Variants in CLASP1 observed in about 807,000 individuals in gnomAD.
CLASP1 encodes the protein cytoplasmic linker associated protein 1.
In CLASP1, 38 loss-of-function variants were observed where a neutral mutation model predicts 192.3. The ratio of observed to expected loss-of-function variants is 0.20; its 90% CI spans 0.15 to 0.26. The LOEUF (loss-of-function observed/expected upper bound fraction) is 0.26. Ranked by LOEUF, CLASP1 falls within the 10% of genes least tolerant of loss-of-function variation. CLASP1 has a pLI of 1.00. For synonymous variants in CLASP1, 691 were observed against 712.8 expected, an observed-to-expected ratio of 0.97 and a Z score of 0.49; for missense variants, 1,433 against 1,932.5, an observed-to-expected ratio of 0.74 and a Z score of 4.85.
chr2:121,451,683 C>G (rs531183731), intron 15 of CLASP1, 107 bp downstream of exon 15: 7 of 787,700 alleles, frequency 8.9e-6, no homozygotes, highest in African/African-American at 1.8e-5. Context: ...TGAAAACAAA[C>G]GCATATATTC....
intron 2 of CLASP1, among the ~76,000 whole-genome samples, chr2:121,588,440 C>T (rs2061988182): frequency 6.6e-6 from 1 of 151,912 alleles, no homozygotes; most frequent in Admixed American, 6.6e-5. Flanking sequence ...AGGATAAATC[C>T]TCGATTTAAA....
At chr2:121,476,600 A>G (rs943891826) in intron 8 of CLASP1, among the ~76,000 whole-genome samples, 12 of 152,234 alleles carry the variant, frequency 7.9e-5, no homozygotes, top group Non-Finnish European at 1.3e-4. Context: ...GCCAGAACCT[A>G]AACTACAAAG....
At chr2:121,367,297 G>A (rs2067600688) in intron 35 of CLASP1, among the ~76,000 whole-genome samples, 1 of 152,224 alleles carries the variant, frequency 6.6e-6, no homozygotes, top group African/African-American at 2.4e-5. Flanking sequence ...CTTCCTGATG[G>A]TAGAGTTGGC....
intron 1 of CLASP1, among the ~76,000 whole-genome samples, chr2:121,612,481 G>C (rs982144729): frequency 2.0e-5 from 3 of 150,884 alleles, no homozygotes; most frequent in Non-Finnish European, 4.4e-5. Context: ...GGAGGAATTA[G>C]AAAAGCTGGA....
rs1558878005 is a variant in CLASP1 at position 121,363,169 on chromosome 2, C to T, written c.4206+3G>A. On this transcript the variant is annotated splice_donor_region_variant and intron_variant, in intron 37 of 39. Coordinates refer to ENST00000263710, the Ensembl canonical transcript of CLASP1. ...AGCACCCCTGGCCACATGACTGACT[C>T]ACCTCCTTATGGGAGTCTTTGTGGG... The T allele has an allele frequency of 6.2e-7, 1 of 1,613,986 alleles. No homozygotes were observed. Among genetic ancestry groups the T allele is most frequent in the Non-Finnish European group, 8.5e-7 (1 of 1,179,884 alleles).
chr2:121,616,910 G>T (rs994139270), intron 1 of CLASP1, among the ~76,000 whole-genome samples: 1 of 152,206 alleles, frequency 6.6e-6, no homozygotes, highest in Non-Finnish European at 1.5e-5. Flanking sequence ...CTTCAAGAAG[G>T]TCACTGCCTG....
At chr2:121,615,920 G>C (rs746037605) in intron 1 of CLASP1, among the ~76,000 whole-genome samples, 2 of 152,268 alleles carry the variant, frequency 1.3e-5, no homozygotes, top group Non-Finnish European at 2.9e-5. Context: ...CAAAGTTTGT[G>C]TTCTTTTCAC....
exon 5 of CLASP1, chr2:121,527,808 G>A (rs2094611671): frequency 6.2e-7 from 1 of 1,612,914 alleles, no homozygotes; most frequent in Non-Finnish European, 8.5e-7. Flanking sequence ...CGCATTGAGT[G>A]TTGCTATAAG....
chr2:121,532,429 G>C (rs1433465582), intron 2 of CLASP1: 2 of 152,132 alleles, frequency 1.3e-5, no homozygotes, highest in Non-Finnish European at 2.9e-5. Context: ...ACTGACAGAC[G>C]CAACCTCAGC....
At chr2:121,413,586 T>C (rs983203451) in intron 23 of CLASP1, among the ~76,000 whole-genome samples, 4 of 152,248 alleles carry the variant, frequency 2.6e-5, no homozygotes, top group African/African-American at 9.6e-5. Flanking sequence ...AGGATACCTC[T>C]GGCCTGACTT....
chr2:121,409,934 C>A (rs2077460680), intron 24 of CLASP1, among the ~76,000 whole-genome samples: 1 of 152,110 alleles, frequency 6.6e-6, no homozygotes, highest in Admixed American at 6.5e-5. Context: ...AGACACTTGT[C>A]AAAGAACCTG....
chr2:121,529,086 A>C (rs931559043), intron 3 of CLASP1, among the ~76,000 whole-genome samples: 5 of 152,218 alleles, frequency 3.3e-5, no homozygotes, highest in African/African-American at 1.2e-4. Flanking sequence ...TGAGAGGAAG[A>C]GTCAACAGAA....
intron 1 of CLASP1, among the ~76,000 whole-genome samples, chr2:121,626,569 G>C (rs960806112): frequency 3.4e-5 from 5 of 145,984 alleles, no homozygotes; most frequent in Non-Finnish European, 5.9e-5. Flanking sequence ...AACAGAACCA[G>C]AATTTTGATT....
intron 30 of CLASP1, among the ~76,000 whole-genome samples, chr2:121,395,765 G>A (rs2075181820): frequency 6.6e-6 from 1 of 152,152 alleles, no homozygotes; most frequent in African/African-American, 2.4e-5. Context: ...CAGGGTAACA[G>A]GGCCCTAACC....
intron 2 of CLASP1, among the ~76,000 whole-genome samples, chr2:121,554,745 T>A (rs1025027643): frequency 3.9e-5 from 6 of 151,924 alleles, no homozygotes; most frequent in African/African-American, 1.5e-4. Flanking sequence ...TAGAAGTGAG[T>A]GTTGACTGCA....
intron 1 of CLASP1, among the ~76,000 whole-genome samples, chr2:121,622,130 C>T (rs1290575461): frequency 1.3e-5 from 2 of 152,028 alleles, no homozygotes; most frequent in African/African-American, 4.8e-5. Flanking sequence ...AGGCATGAGC[C>T]ACCACACCTG....
At chr2:121,530,414 C>CGGCCCAGACGCAGTCCGAG in intron 2 of CLASP1, 89 bp from the exon 3 acceptor site, 1 of 975,518 alleles carries the variant, frequency 1.0e-6, no homozygotes, top group Non-Finnish European at 1.6e-6. Flanking sequence ...TAGACATTTC[C>CGGCCCAGACGCAGTCCGAG]GGCCCAGACG....
chr2:121,540,455 T>C (rs937340833), intron 2 of CLASP1, among the ~76,000 whole-genome samples: 18 of 151,928 alleles, frequency 1.2e-4, no homozygotes, highest in African/African-American at 4.1e-4. Flanking sequence ...GTGGGCAAGA[T>C]AGTGAGACCC....
At chr2:121,356,397 A>G in intron 37 of CLASP1, among the ~76,000 whole-genome samples, 1 of 152,244 alleles carries the variant, frequency 6.6e-6, no homozygotes, top group South Asian at 2.1e-4. Flanking sequence ...GAGTGCCAGC[A>G]TGGCCCTGAA....
Sources: allele counts gnomAD v4.1 joint callset (sites outside exome capture counted in the v4.1 genomes callset), GRCh38; gene constraint gnomAD v4.1.1; transcripts MANE v1.5; gene names NCBI Gene and HGNC (gene_info 2026-07-23, HGNC 2026-07-21).